COL21A1: variants seen among roughly 807,000 people sequenced by gnomAD.
COL21A1 encodes the protein collagen alpha-1(XXI) chain.
Under a neutral mutation model 137.9 loss-of-function variants are expected in COL21A1, and 149 were observed. The ratio of observed to expected loss-of-function variants is 1.08; its 90% CI spans 0.95 to 1.24. The LOEUF (loss-of-function observed/expected upper bound fraction) is 1.24. Ranked by LOEUF, COL21A1 falls within the 50% of genes most tolerant of loss-of-function variation. The pLI, the probability that COL21A1 is intolerant of heterozygous loss-of-function variation, is 0.00. For synonymous variants in COL21A1, 456 were observed against 391.5 expected, an observed-to-expected ratio of 1.16 and a Z score of -1.95; for missense variants, 1,167 against 1,158.4, an observed-to-expected ratio of 1.01 and a Z score of -0.11.
chr6:56,239,166 G>C (rs1024703503), intron 1 of COL21A1, among the ~76,000 whole-genome samples: 1 of 152,010 alleles, frequency 6.6e-6, no homozygotes, highest in Non-Finnish European at 1.5e-5. Flanking sequence ...AATATTTTCT[G>C]CTTTTTAGAA....
At position 56,170,641 on chromosome 6, in the gene COL21A1, AT is replaced by A. The variant is rs780313020; in HGVS notation, c.1026+7del. ...TCATAATCATGGTATTATCCCAGGC[AT>A]CTTTACCTTAACTTGAGGGTTAGCA... is the stretch of plus-strand genomic sequence containing the variant. On this transcript the variant is annotated splice_region_variant and intron_variant, in intron 5 of 29. Transcript: ENST00000244728. 8.9e-6 allele frequency: 14 copies of A among 1,566,932 alleles called. No homozygotes were observed. In the Admixed American group the frequency reaches 2.5e-4, roughly 28 times the overall value.
At chr6:56,347,755 T>C (rs1294393359) in intron 1 of COL21A1, among the ~76,000 whole-genome samples, 1 of 152,106 alleles carries the variant, frequency 6.6e-6, no homozygotes, top group East Asian at 1.9e-4. Flanking sequence ...CTCTTTCTGA[T>C]GATAAGACAT....
intron 1 of COL21A1, among the ~76,000 whole-genome samples, chr6:56,364,765 G>GAA (rs10557266): frequency 1.5e-5 from 2 of 129,586 alleles, no homozygotes. Context: ...AAGAGCCCAG[G>GAA]AAAAAAAAAA....
chr6:56,057,793 C>G lies in COL21A1; in HGVS notation c.2738G>C (p.Gly913Ala). Residue 913 changes from glycine (G) to alanine (A), a missense_variant, in exon 30 of 30, where the codon GGT becomes GCT. By Grantham distance (60) the Gly-to-Ala change is moderately conservative (BLOSUM62 0). Transcript: ENST00000244728. ...ISKEGPPGDP[G>A]LPGKDGDHGK... is the part of the protein sequence containing the mutation. Reference sequence around the variant, plus strand: ...ATGGTCTCCATCTTTGCCAGGGAGACCTGGGTCTCCTGGAGGACCTTCTTT... The same window carrying G: ...ATGGTCTCCATCTTTGCCAGGGAGAGCTGGGTCTCCTGGAGGACCTTCTTT... 3 of 1,599,512 alleles carry G rather than the reference C, an allele frequency of 1.9e-6. No homozygotes were observed. Among genetic ancestry groups the G allele is most frequent in the Non-Finnish European group, 2.6e-6 (3 of 1,173,426 alleles).
At chr6:56,298,150 G>A (rs928654181) in intron 1 of COL21A1, among the ~76,000 whole-genome samples, 4 of 151,686 alleles carry the variant, frequency 2.6e-5, no homozygotes, top group Non-Finnish European at 5.9e-5. Context: ...CCAAGCAAGT[G>A]AACAGATTGG....
At chr6:56,314,741 C>T (rs1764692534) in intron 1 of COL21A1, among the ~76,000 whole-genome samples, 1 of 152,098 alleles carries the variant, frequency 6.6e-6, no homozygotes, top group African/African-American at 2.4e-5. Context: ...GTGATTTTCC[C>T]ACGAGAAGAA....
Position 56,075,475 on chromosome 6 carries a change from A to C in COL21A1, c.1911+4T>G. 6.5e-7 allele frequency: 1 copy of C among 1,538,732 alleles called. No individual in the cohort carries two copies. The highest frequency in any genetic ancestry group is 8.8e-7 in the Non-Finnish European group (1 of 1,141,630). Reference sequence around the variant, plus strand: ...GATGTATGATGATAATGACATCAACATACAGGCATCCCTGGGGCTCCTTTT... The same window carrying C: ...GATGTATGATGATAATGACATCAACCTACAGGCATCCCTGGGGCTCCTTTT... On this transcript the variant is annotated splice_donor_region_variant and intron_variant, in intron 19 of 29. Coordinates refer to ENST00000244728, the MANE Select transcript of COL21A1 (RefSeq NM_030820.4).
At chr6:56,392,290 TA>T (rs1345166429) in intron 1 of COL21A1, among the ~76,000 whole-genome samples, 1 of 152,068 alleles carries the variant, frequency 6.6e-6, no homozygotes, top group Non-Finnish European at 1.5e-5. Context: ...TGATAAAATT[TA>T]ACATCCCTTC....
intron 1 of COL21A1, among the ~76,000 whole-genome samples, chr6:56,191,319 CAG>C (rs914056526): frequency 1.3e-5 from 2 of 151,632 alleles, no homozygotes; most frequent in Admixed American, 1.3e-4. Context: ...AACAGACAAA[CAG>C]AGAGCCAATA....
intron 1 of COL21A1, among the ~76,000 whole-genome samples, chr6:56,218,735 A>G (rs1780639680): frequency 6.6e-6 from 1 of 152,158 alleles, no homozygotes; most frequent in African/African-American, 2.4e-5. Context: ...TTAAAGCAGC[A>G]GAGACAACTT....
chr6:56,130,359 A>G (rs1773460174), intron 12 of COL21A1, among the ~76,000 whole-genome samples: 1 of 151,526 alleles, frequency 6.6e-6, no homozygotes, highest in African/African-American at 2.4e-5. Flanking sequence ...AGTTAAGAAA[A>G]CAATCTGAGT....
intron 10 of COL21A1, among the ~76,000 whole-genome samples, chr6:56,148,018 T>C (rs1774977153): frequency 6.6e-6 from 1 of 152,158 alleles, no homozygotes. Context: ...CTCCCAGTTA[T>C]GCTCTTCTGA....
chr6:56,347,084 C>T (rs1199457183), intron 1 of COL21A1, among the ~76,000 whole-genome samples: 1 of 152,144 alleles, frequency 6.6e-6, no homozygotes, highest in Non-Finnish European at 1.5e-5. Flanking sequence ...CACTCAGCTG[C>T]CTTTGCTGCA....
At position 56,164,015 on chromosome 6, in the gene COL21A1, A is replaced by G. The variant is rs79211498; in HGVS notation, c.1371+408T>C. Reference sequence around the variant, plus strand: ...TAATAAAATCAATTTGAAATTTCTTACTTCATTTTTTCCATCCAAAAATTA... The same window carrying G: ...TAATAAAATCAATTTGAAATTTCTTGCTTCATTTTTTCCATCCAAAAATTA... On this transcript the variant is annotated intron_variant, in intron 9 of 29. Coordinates refer to ENST00000244728, the MANE Select transcript of COL21A1 (RefSeq NM_030820.4). 8.2e-3 allele frequency among the ~76,000 whole-genome samples: 1,248 copies of G among 152,322 alleles called. 20 individuals are homozygous for G. The highest frequency in any genetic ancestry group is 0.029 in the African/African-American group (1,204 of 41,564).
intron 1 of COL21A1, among the ~76,000 whole-genome samples, chr6:56,334,368 G>A (rs1486337037): frequency 6.6e-6 from 1 of 152,090 alleles, no homozygotes; most frequent in African/African-American, 2.4e-5. Flanking sequence ...GAGCACGTCT[G>A]TGGAGATTAA....
intron 16 of COL21A1, among the ~76,000 whole-genome samples, chr6:56,115,972 ACAGT>A (rs773537249): frequency 4.6e-5 from 7 of 152,012 alleles, no homozygotes; most frequent in Non-Finnish European, 5.9e-5. Flanking sequence ...TTGGAAATAA[ACAGT>A]CAGAGGAGAC....
chr6:56,147,360 T>G (rs1458590060), intron 10 of COL21A1, among the ~76,000 whole-genome samples: 1 of 150,336 alleles, frequency 6.7e-6, no homozygotes, highest in Non-Finnish European at 1.5e-5. Flanking sequence ...GGGGGTTGTT[T>G]TTTGCTTTTT....
chr6:56,084,621 T>C (rs963061367), intron 17 of COL21A1, among the ~76,000 whole-genome samples: 7 of 152,014 alleles, frequency 4.6e-5, no homozygotes, highest in Non-Finnish European at 1.0e-4. Flanking sequence ...TGTAGTCAAA[T>C]ATACAATACA....
chr6:56,071,282 T>G (rs1397794114), intron 20 of COL21A1, among the ~76,000 whole-genome samples: 1 of 151,658 alleles, frequency 6.6e-6, no homozygotes, highest in East Asian at 1.9e-4. Flanking sequence ...TTTGTGCTTT[T>G]TCAGGATTCC....
Sources: allele counts gnomAD v4.1 joint callset (sites outside exome capture counted in the v4.1 genomes callset), GRCh38; gene constraint gnomAD v4.1.1; transcripts MANE v1.5; gene names NCBI Gene and HGNC (gene_info 2026-07-23, HGNC 2026-07-21).